Variants in SEMA3A observed in about 807,000 individuals in gnomAD.
SEMA3A encodes the protein semaphorin-3A.
In SEMA3A, 29 loss-of-function variants were observed where a neutral mutation model predicts 97.9. The ratio of observed to expected loss-of-function variants is 0.30; its 90% CI spans 0.22 to 0.40. The LOEUF (loss-of-function observed/expected upper bound fraction) is 0.40. Ranked by LOEUF, SEMA3A falls within the 10% of genes least tolerant of loss-of-function variation. SEMA3A has a pLI of 1.00. For missense variants in SEMA3A, 763 were observed against 951.3 expected, an observed-to-expected ratio of 0.80 and a Z score of 2.60; for synonymous variants, 321 against 323.7, an observed-to-expected ratio of 0.99 and a Z score of 0.09.
At position 84,048,677 on chromosome 7, in the gene SEMA3A, T is replaced by A. The variant is rs1583870183; in HGVS notation, c.548-2234A>T. Among the ~76,000 whole-genome samples, 3 of 152,028 alleles carry A rather than the reference T, an allele frequency of 2.0e-5. 1 individual carries two copies. The South Asian group carries it at 6.2e-4, about 32-fold the overall frequency. On this transcript the variant is annotated intron_variant, in intron 5 of 16. Transcript: ENST00000265362. Reference sequence around the variant, plus strand: ...TTGCCTCTAAACCACAGTTAAAAACTAAAAATAGAATAATTTAAAAAATGA... The same window carrying A: ...TTGCCTCTAAACCACAGTTAAAAACAAAAAATAGAATAATTTAAAAAATGA...
intron 2 of SEMA3A, among the ~76,000 whole-genome samples, chr7:84,309,847 T>C (rs1253785032): frequency 4.6e-5 from 7 of 152,128 alleles, no homozygotes; most frequent in Admixed American, 4.6e-4. Context: ...GCATTGACTA[T>C]TCCAGAAACA....
chr7:84,477,388 G>A (rs1334220088), intron 1 of SEMA3A, among the ~76,000 whole-genome samples: 4 of 131,586 alleles, frequency 3.0e-5, no homozygotes, highest in African/African-American at 8.7e-5. Flanking sequence ...GCAGTGAGCC[G>A]AGATCACAAT....
chr7:84,442,474 A>G (rs1432359542), intron 1 of SEMA3A, among the ~76,000 whole-genome samples: 1 of 152,100 alleles, frequency 6.6e-6, no homozygotes, highest in Non-Finnish European at 1.5e-5. Flanking sequence ...AAGAATAAAC[A>G]CAATAAGCAA....
At chr7:84,307,491 G>T (rs1414070332) in intron 2 of SEMA3A, among the ~76,000 whole-genome samples, 5 of 152,066 alleles carry the variant, frequency 3.3e-5, no homozygotes, top group Non-Finnish European at 7.4e-5. Context: ...TTTTATTCTG[G>T]CTTATCCAAA....
intron 3 of SEMA3A, among the ~76,000 whole-genome samples, chr7:84,272,916 C>T (rs1159723439): frequency 1.3e-5 from 2 of 152,038 alleles, no homozygotes; most frequent in African/African-American, 2.4e-5. Context: ...ATCCTAATAG[C>T]AACAATGATA....
chr7:83,986,896 C>G (rs915552478), intron 12 of SEMA3A, among the ~76,000 whole-genome samples: 1 of 151,886 alleles, frequency 6.6e-6, no homozygotes, highest in African/African-American at 2.4e-5. Context: ...ACATGTAAAA[C>G]ACATTACAAA....
Position 84,413,711 on chromosome 7 carries a change from C to A in SEMA3A, c.-245-41811G>T, listed in dbSNP as rs10226702. On this transcript the variant is annotated intron_variant, in intron 1 of 3. Transcript: ENST00000424555. ...AGTAAAAATCAATCAATTGAAATTG[C>A]GTATGTAGAGAGAAAAAACTTGAAA... 3.7e-3 allele frequency among the ~76,000 whole-genome samples: 559 copies of A among 152,022 alleles called. 5 individuals carry two copies. Among genetic ancestry groups the A allele is most frequent in the African/African-American group, 0.013 (529 of 41,462 alleles).
intron 1 of SEMA3A, among the ~76,000 whole-genome samples, chr7:84,138,958 T>A (rs961194376): frequency 1.3e-5 from 2 of 152,106 alleles, no homozygotes; most frequent in African/African-American, 4.8e-5. Context: ...GATTCTTCAG[T>A]ATTCTGTTTT....
chr7:84,091,200 G>T, intron 4 of SEMA3A, among the ~76,000 whole-genome samples: 1 of 68,484 alleles, frequency 1.5e-5, no homozygotes. Flanking sequence ...AAGAAAGAAA[G>T]AAAGAAAGAA....
Position 84,005,577 on chromosome 7 carries a change from A to T in SEMA3A, c.1141-19T>A. 2 of 1,480,644 alleles carry T rather than the reference A, an allele frequency of 1.4e-6. No individual in the cohort carries two copies. The highest frequency in any genetic ancestry group is 1.9e-6 in the Non-Finnish European group (2 of 1,067,196). The allele number at this position is 1,480,644 out of a possible 1,614,324, so 91.7% of individuals were successfully genotyped here. ...TGGGACACTATTAAGATAAAGAGAA[A>T]ATTATCTTTTGATTAAAATCTAATA... On this transcript the variant is annotated intron_variant, in intron 10 of 16. Coordinates refer to ENST00000265362, the MANE Select transcript of SEMA3A (RefSeq NM_006080.3).
At chr7:83,963,814 T>C (rs191788413) in intron 15 of SEMA3A, among the ~76,000 whole-genome samples, 18 of 152,348 alleles carry the variant, frequency 1.2e-4, no homozygotes, top group Admixed American at 1.0e-3. Flanking sequence ...TTATTTTTTA[T>C]CTGTAAAATT....
chr7:84,135,294 A>G (rs1164578457), intron 1 of SEMA3A, among the ~76,000 whole-genome samples: 1 of 151,776 alleles, frequency 6.6e-6, no homozygotes, highest in African/African-American at 2.4e-5. Flanking sequence ...TGTTTTTAGT[A>G]GAGATGGGGT....
rs537739124 is a variant in SEMA3A at position 84,175,403 on chromosome 7, C to T, written c.112+19072G>A. ...TTAAAAACAATTGTTTTAAAGCTAACCTTATTTCAAAATGCATTATGTATG... is the reference window on the plus strand; with the variant it reads ...TTAAAAACAATTGTTTTAAAGCTAATCTTATTTCAAAATGCATTATGTATG... On this transcript the variant is annotated intron_variant, in intron 1 of 16. Coordinates refer to ENST00000265362, the MANE Select transcript of SEMA3A (RefSeq NM_006080.3). Among the ~76,000 whole-genome samples, 4 of 152,232 alleles carry T rather than the reference C, an allele frequency of 2.6e-5. No homozygotes were observed. In the East Asian group the frequency reaches 7.7e-4, roughly 29 times the overall value.
At chr7:84,253,450 T>C (rs1247089576) in intron 3 of SEMA3A, among the ~76,000 whole-genome samples, 1 of 152,090 alleles carries the variant, frequency 6.6e-6, no homozygotes, top group Non-Finnish European at 1.5e-5. Flanking sequence ...TTTAATGAGG[T>C]CAGTTTTGTA....
intron 2 of SEMA3A, among the ~76,000 whole-genome samples, chr7:84,367,161 GAAGT>G (rs1802867449): frequency 6.6e-6 from 1 of 151,270 alleles, no homozygotes; most frequent in African/African-American, 2.4e-5. Flanking sequence ...GGCTAGAGTA[GAAGT>G]AAGAAAGACA....
chr7:83,975,949 A>T (rs1789133585), intron 15 of SEMA3A, among the ~76,000 whole-genome samples: 1 of 152,180 alleles, frequency 6.6e-6, no homozygotes, highest in Non-Finnish European at 1.5e-5. Context: ...GACAGTCGTA[A>T]CATTTACTCC....
rs1286879641 is a variant in SEMA3A, at chr7:83,959,411, G to C, written c.*1960C>G. 1 of 152,080 alleles carries C rather than the reference G, an allele frequency of 6.6e-6. No homozygotes were observed. Among genetic ancestry groups the C allele is most frequent in the Non-Finnish European group, 1.5e-5 (1 of 67,946 alleles). 9.4% of individuals were successfully genotyped at this position (152,080 alleles called of 1,614,324 possible). ...TATTTGAAACACTACTTTCTGTACA[G>C]TGGTGTGTCCTTCAAATAATTTAAC... On this transcript the variant is annotated 3_prime_UTR_variant, in exon 17 of 17. Transcript: ENST00000265362.
chr7:84,298,904 C>T (rs1584215040), intron 3 of SEMA3A, among the ~76,000 whole-genome samples: 1 of 152,032 alleles, frequency 6.6e-6, no homozygotes, highest in Admixed American at 6.6e-5. Flanking sequence ...AGGCAGGAGA[C>T]GATGGAAGAG....
intron 3 of SEMA3A, among the ~76,000 whole-genome samples, chr7:84,291,883 A>G (rs999887891): frequency 1.3e-5 from 2 of 152,106 alleles, no homozygotes; most frequent in African/African-American, 2.4e-5. Flanking sequence ...CAAGTGCTAA[A>G]GAAATATCAA....
Sources: allele counts gnomAD v4.1 joint callset (sites outside exome capture counted in the v4.1 genomes callset), GRCh38; gene constraint gnomAD v4.1.1; transcripts MANE v1.5; gene names NCBI Gene and HGNC (gene_info 2026-07-23, HGNC 2026-07-21).